The following LASP1 variants were observed in gnomAD, a reference collection of about 807,000 sequenced individuals.
The protein encoded by LASP1 is LIM and SH3 protein 1.
LASP1 carries 10 observed loss-of-function variants against 38.6 expected under a neutral mutation model. The observed-to-expected ratio is 0.26, with a 90% CI of 0.16 to 0.44. The LOEUF is 0.44. Among genes scored for constraint, LASP1 ranks in the 20% least tolerant of loss-of-function variants. The pLI, the probability that LASP1 is intolerant of heterozygous loss-of-function variation, is 1.00. For synonymous variants in LASP1, 132 were observed against 140.8 expected (o/e 0.94, Z 0.44); for missense variants, 243 against 375.7 (o/e 0.65, Z 2.92).
chr17:38,905,146 G>A (rs1490410848), intron 4 of LASP1, among the ~76,000 whole-genome samples: 2 of 152,098 alleles, frequency 1.3e-5, no homozygotes, highest in Admixed American at 1.3e-4. Flanking sequence ...TGTTGCTGGT[G>A]GACATTTGTA....
rs535853305 is a variant in LASP1 at position 38,913,974 on chromosome 17, C to T, written c.358-351C>T. 5.3e-5 allele frequency among the ~76,000 whole-genome samples: 8 copies of T among 151,500 alleles called. No individual in the cohort carries two copies. The South Asian group carries it at 1.5e-3, about 28-fold the overall frequency. ...CTGAGATCGTACCATTGCACTCCAG[C>T]CTGGGCGACAGAGCCAAACTCCGTC... On this transcript the variant is annotated intron_variant, in intron 4 of 6. Coordinates refer to ENST00000318008, the MANE Select transcript of LASP1 (RefSeq NM_006148.4).
chr17:38,916,480 T>C (rs1915130939), intron 6 of LASP1: 1 of 151,968 alleles, frequency 6.6e-6, no homozygotes, highest in African/African-American at 2.4e-5. Flanking sequence ...GGCAGTAGAA[T>C]TGCTTGAACC....
intron 4 of LASP1, among the ~76,000 whole-genome samples, chr17:38,903,156 C>T (rs1914690277): frequency 6.6e-6 from 1 of 152,152 alleles, no homozygotes; most frequent in African/African-American, 2.4e-5. Flanking sequence ...TGGATAAGTG[C>T]AGTCTGTCTT....
Position 38,898,419 on chromosome 17 carries a change from A to G in LASP1, c.257A>G (p.Tyr86Cys). 6.5e-7 allele frequency: 1 copy of G among 1,548,332 alleles called. No individual in the cohort carries two copies. Among genetic ancestry groups the G allele is most frequent in the Non-Finnish European group, 8.7e-7 (1 of 1,144,238 alleles). The change falls in exon 4 of 7, where the codon TAC becomes TGC. Residue 86 changes from tyrosine to cysteine, a missense_variant. Tyr to Cys is a radical substitution (Grantham distance 194, BLOSUM62 -2). Around this residue, in one of 4 missense-constraint regions of LASP1, gnomAD observed 33 missense variants for 39.8 expected, o/e 0.83. Coordinates refer to ENST00000318008, the MANE Select transcript of LASP1 (RefSeq NM_006148.4). ...QQSELQSQVR[Y>C]KEEFEKNKGK... Reference sequence around the variant, plus strand: ...CTTCCTCCCCTCCTGCAGGTGCGCTACAAGGAGGAGTTTGAGAAGAACAAG... The same window carrying G: ...CTTCCTCCCCTCCTGCAGGTGCGCTGCAAGGAGGAGTTTGAGAAGAACAAG...
chr17:38,870,761 G>T (rs1346271353), intron 1 of LASP1, among the ~76,000 whole-genome samples: 3 of 152,186 alleles, frequency 2.0e-5, no homozygotes, highest in Non-Finnish European at 4.4e-5. Context: ...CTGGCGGGGC[G>T]GGGGCTATCA....
At chr17:38,913,306 C>A (rs183549211) in intron 4 of LASP1, among the ~76,000 whole-genome samples, 190 of 152,320 alleles carry the variant, frequency 1.2e-3, no homozygotes, top group African/African-American at 4.3e-3. Flanking sequence ...TTTTTGGAAC[C>A]TGACCCGAGA....
At chr17:38,887,746 C>A (rs1214203463) in intron 2 of LASP1, among the ~76,000 whole-genome samples, 1 of 152,180 alleles carries the variant, frequency 6.6e-6, no homozygotes, top group Admixed American at 6.5e-5. Flanking sequence ...GGGCCAGAGC[C>A]CTGCACTGGG....
chr17:38,881,778 G>T (rs2143744218), intron 2 of LASP1, among the ~76,000 whole-genome samples: 1 of 152,326 alleles, frequency 6.6e-6, no homozygotes, highest in South Asian at 2.1e-4. Context: ...GTGCAGGGAG[G>T]CCTCTATGTT....
intron 1 of LASP1, among the ~76,000 whole-genome samples, chr17:38,875,795 C>T (rs552787119): frequency 1.3e-4 from 20 of 152,284 alleles, no homozygotes; most frequent in Admixed American, 4.6e-4. Flanking sequence ...CCTCTCCCTC[C>T]GGGGGTTTGG....
chr17:38,874,895 C>T (rs1913716632), intron 1 of LASP1, among the ~76,000 whole-genome samples: 1 of 152,098 alleles, frequency 6.6e-6, no homozygotes, highest in African/African-American at 2.4e-5. Context: ...TGGCCCTGTG[C>T]CCCCTGCCTG....
chr17:38,878,166 G>A lies in LASP1; in HGVS notation c.150G>A (p.Lys50=). ...AGAACTACAAGGGCTACGAGAAGAA[G>A]CCCTACTGCAACGCGTGAGTCCTGT... ...NMKNYKGYEK[K]PYCNAHYPKQ... is the part of the protein sequence containing the mutation. The change falls in exon 2 of 7, where the codon AAG becomes AAA. Residue 50 remains lysine (K), a synonymous_variant. Coordinates refer to ENST00000318008, the MANE Select transcript of LASP1 (RefSeq NM_006148.4). 6.2e-7 allele frequency: 1 copy of A among 1,613,550 alleles called. No individual in the cohort carries two copies. The highest frequency in any genetic ancestry group is 8.5e-7 in the Non-Finnish European group (1 of 1,179,550).
chr17:38,913,146 A>G (rs1915004882), intron 4 of LASP1, among the ~76,000 whole-genome samples: 1 of 152,182 alleles, frequency 6.6e-6, no homozygotes, highest in South Asian at 2.1e-4. Flanking sequence ...GCCCAACTCA[A>G]GACTCCTGGG....
intron 4 of LASP1, among the ~76,000 whole-genome samples, chr17:38,906,523 T>C (rs551362282): frequency 5.4e-5 from 8 of 148,664 alleles, no homozygotes; most frequent in African/African-American, 2.0e-4. Flanking sequence ...AGCAAGACTG[T>C]CTCAAAATAA....
intron 4 of LASP1, among the ~76,000 whole-genome samples, chr17:38,905,551 G>A (rs942921978): frequency 5.9e-5 from 7 of 119,496 alleles, no homozygotes; most frequent in African/African-American, 9.1e-5. Context: ...AAAAAAAAAA[G>A]TGTGCTCCTT....
chr17:38,921,446 T>C lies in LASP1; in HGVS notation c.*2668T>C. The stretch of plus-strand genomic sequence containing the variant: ...CCTTTCCCCCCTCACACATGCACTT[T>C]TGGGCCTTTTTTTATAGCTGGAAAA... On this transcript the variant is annotated 3_prime_UTR_variant, in exon 7 of 7. Transcript: ENST00000318008. 1 of 232,546 alleles carries C rather than the reference T, an allele frequency of 4.3e-6. No homozygotes were observed. Among genetic ancestry groups the C allele is most frequent in the East Asian group, 6.1e-5 (1 of 16,460 alleles). The allele number at this position is 232,546 out of a possible 1,614,324, so 14.4% of individuals were successfully genotyped here. A position where few individuals can be genotyped will look rare whatever the true frequency, so the allele number is the denominator to read the frequency against.
chr17:38,890,505 G>T lies in LASP1; in HGVS notation c.249+1G>T. 6.2e-7 allele frequency: 1 copy of T among 1,613,674 alleles called. No homozygotes were observed. Reference sequence around the variant, plus strand: ...GCAACAGAGTGAGCTCCAGAGTCAGGTGAGGGGCTGGGCGGTGCTGGGGCC... The same window carrying T: ...GCAACAGAGTGAGCTCCAGAGTCAGTTGAGGGGCTGGGCGGTGCTGGGGCC... On this transcript the variant is annotated splice_donor_variant, in intron 3 of 6. Transcript: ENST00000318008. LOFTEE classifies it high-confidence loss of function.
intron 1 of LASP1, among the ~76,000 whole-genome samples, chr17:38,875,122 T>C (rs1913729032): frequency 6.8e-6 from 1 of 146,280 alleles, no homozygotes; most frequent in African/African-American, 2.5e-5. Context: ...TTCTGGAGAA[T>C]GTTTTTCCTG....
chr17:38,915,135 G>C lies in LASP1; in HGVS notation c.601G>C (p.Gly201Arg). The C allele has an allele frequency of 6.2e-7, 1 of 1,613,886 alleles. No individual in the cohort carries two copies. Among genetic ancestry groups the C allele is most frequent in the South Asian group, 1.1e-5 (1 of 91,058 alleles). Residue 201 changes from glycine to arginine, a missense_variant, in exon 6 of 7, where the codon GGT becomes CGT. By Grantham distance (125) the Gly-to-Arg change is moderately radical (BLOSUM62 -2). Around this residue, in one of 4 missense-constraint regions of LASP1, gnomAD observed 165 missense variants for 210.3 expected, o/e 0.78. Coordinates refer to ENST00000318008, the MANE Select transcript of LASP1 (RefSeq NM_006148.4). ...APVSIQRSAP[G>R]GGGKRYRAVY... ...AGTCTCCATACAGCGCAGCGCCCCAGGTGGTGGCGGGGTGAGTAACCCTGG... is the reference window on the plus strand; with the variant it reads ...AGTCTCCATACAGCGCAGCGCCCCACGTGGTGGCGGGGTGAGTAACCCTGG...
chr17:38,911,907 C>G (rs1173828388), intron 4 of LASP1, among the ~76,000 whole-genome samples: 7 of 152,016 alleles, frequency 4.6e-5, no homozygotes, highest in Non-Finnish European at 1.0e-4. Context: ...TATCCTTTTG[C>G]CTCAGCCTCC....
Sources: gnomAD v4.1 joint callset for allele counts (sites outside exome capture counted in the v4.1 genomes callset) on GRCh38, gnomAD v4.1.1 for gene constraint, gnomAD v4.1.1 regional missense constraint, MANE v1.5 for transcripts, NCBI Gene and HGNC (gene_info 2026-07-23, HGNC 2026-07-21) for gene names.